Variants in CCDC125 observed in about 807,000 individuals in gnomAD.
The protein encoded by CCDC125 is coiled-coil domain containing 125.
Under a neutral mutation model 57.4 loss-of-function variants are expected in CCDC125, and 43 were observed. The observed-to-expected ratio is 0.75, with a 90% CI of 0.59 to 0.97. The LOEUF (loss-of-function observed/expected upper bound fraction) is 0.97. Ranked by LOEUF, CCDC125 falls within the 50% of genes least tolerant of loss-of-function variation. CCDC125 has a pLI of 0.00. For synonymous variants in CCDC125, 187 were observed against 195.2 expected (o/e 0.96, Z 0.35); for missense variants, 563 against 595.7 (o/e 0.95, Z 0.57).
chr5:69,331,764 T>C (rs12517724), intron 1 of CCDC125, among the ~76,000 whole-genome samples: 54,561 of 151,984 alleles, frequency 0.36, 10,747 homozygotes, highest in East Asian at 0.5. Context: ...GGAATGCTGT[T>C]TCTTCTCAGA....
chr5:69,297,118 T>A (rs1254285782), intron 8 of CCDC125, among the ~76,000 whole-genome samples: 2 of 152,158 alleles, frequency 1.3e-5, no homozygotes, highest in Non-Finnish European at 2.9e-5. Context: ...TAGGCTGGAG[T>A]GCAGTGGTAC....
At chr5:69,313,683 G>A in intron 3 of CCDC125, 1 of 759,260 alleles carries the variant, frequency 1.3e-6, no homozygotes, top group South Asian at 1.4e-5. Context: ...GTTGTCGATG[G>A]TCTGGTCCAC....
At chr5:69,284,409 G>A (rs1267788616) in intron 11 of CCDC125, among the ~76,000 whole-genome samples, 1 of 152,078 alleles carries the variant, frequency 6.6e-6, no homozygotes, top group Non-Finnish European at 1.5e-5. Flanking sequence ...GACTGTAAAG[G>A]ATATAATGTG....
chr5:69,328,805 T>C (rs1761046134), intron 1 of CCDC125, among the ~76,000 whole-genome samples: 1 of 152,068 alleles, frequency 6.6e-6, no homozygotes, highest in Admixed American at 6.6e-5. Flanking sequence ...GACTTTTTTT[T>C]TTTTTTGAGA....
chr5:69,314,994 AC>A (rs1218401388), intron 2 of CCDC125, among the ~76,000 whole-genome samples: 1 of 152,112 alleles, frequency 6.6e-6, no homozygotes, highest in African/African-American at 2.4e-5. Context: ...AGTGGCTCAC[AC>A]CTGTAATCCC....
chr5:69,318,622 G>A (rs1201285077), intron 2 of CCDC125, among the ~76,000 whole-genome samples: 8 of 150,712 alleles, frequency 5.3e-5, no homozygotes, highest in African/African-American at 1.5e-4. Context: ...GCATGGGGGC[G>A]GGCACCTGTA....
At chr5:69,288,819 G>A (rs1310602074) in intron 10 of CCDC125, among the ~76,000 whole-genome samples, 2 of 152,194 alleles carry the variant, frequency 1.3e-5, no homozygotes, top group African/African-American at 4.8e-5. Context: ...GGTAGACAGT[G>A]TGAGAATTGA....
intron 8 of CCDC125, among the ~76,000 whole-genome samples, chr5:69,297,432 TCAC>T (rs1382996256): frequency 6.6e-6 from 1 of 151,874 alleles, no homozygotes; most frequent in Admixed American, 6.6e-5. Context: ...AGATCACAGC[TCAC>T]CACAACCACT....
chr5:69,304,583 G>A (rs1166443966), intron 6 of CCDC125, among the ~76,000 whole-genome samples: 8 of 151,572 alleles, frequency 5.3e-5, no homozygotes, highest in Non-Finnish European at 4.4e-5. Flanking sequence ...CCGCCACCAC[G>A]CCCGGCCAAT....
chr5:69,330,478 C>T (rs757556078), intron 1 of CCDC125, among the ~76,000 whole-genome samples: 1 of 151,956 alleles, frequency 6.6e-6, no homozygotes, highest in Non-Finnish European at 1.5e-5. Flanking sequence ...CCTGTAGTCC[C>T]AGCTACTCGG....
At chr5:69,331,044 T>A (rs1273986433) in intron 1 of CCDC125, among the ~76,000 whole-genome samples, 1 of 152,052 alleles carries the variant, frequency 6.6e-6, no homozygotes, top group East Asian at 2.0e-4. Flanking sequence ...GGCTCACACA[T>A]GTAATCCGAG....
chr5:69,309,656 A>G (rs1757851071), intron 4 of CCDC125: 1 of 152,256 alleles, frequency 6.6e-6, no homozygotes, highest in African/African-American at 2.4e-5. Flanking sequence ...GCCCCCACAC[A>G]GAGTCCCTAC....
intron 8 of CCDC125, among the ~76,000 whole-genome samples, chr5:69,298,562 G>A (rs28499200): frequency 0.6 from 91,554 of 151,866 alleles, 28,502 homozygotes; most frequent in African/African-American, 0.76. Context: ...CCCATGCCTA[G>A]GTTGCCAAAA....
chr5:69,304,219 C>T (rs111911656), intron 6 of CCDC125, among the ~76,000 whole-genome samples: 1 of 151,746 alleles, frequency 6.6e-6, no homozygotes, highest in Non-Finnish European at 1.5e-5. Context: ...ATTCTCCTGC[C>T]TCAGCCTTCC....
At chr5:69,291,285 AC>A (rs1754412014) in intron 10 of CCDC125, among the ~76,000 whole-genome samples, 2 of 152,134 alleles carry the variant, frequency 1.3e-5, no homozygotes, top group African/African-American at 4.8e-5. Context: ...CTTTGTTCAT[AC>A]TGGAAGATCT....
At chr5:69,297,644 C>G (rs1755600612) in intron 8 of CCDC125, among the ~76,000 whole-genome samples, 1 of 151,340 alleles carries the variant, frequency 6.6e-6, no homozygotes, top group African/African-American at 2.4e-5. Context: ...CAGGCGTTAG[C>G]CACCGCACCT....
At chr5:69,284,137 C>T (rs1460649262) in intron 11 of CCDC125, among the ~76,000 whole-genome samples, 5 of 150,950 alleles carry the variant, frequency 3.3e-5, no homozygotes, top group African/African-American at 1.2e-4. Flanking sequence ...AAACAGAAGA[C>T]AGCATTGAAA....
At position 69,308,139 on chromosome 5, in the gene CCDC125, T is replaced by A. The variant is rs377764504; in HGVS notation, c.454-111A>T. 5.0e-5 allele frequency: 39 copies of A among 785,932 alleles called. No individual in the cohort carries two copies. In the East Asian group the frequency reaches 8.4e-4, roughly 17 times the overall value. The allele number at this position is 785,932 out of a possible 1,614,324, so 48.7% of individuals were successfully genotyped here. On this transcript the variant is annotated intron_variant, in intron 4 of 11. Transcript: ENST00000396496. ...AATGGAAAATTAAGATGAATTGACA[T>A]AAGAATTTCACAGTGACCACCTTTT...
downstream of CCDC125, chr5:69,276,683 A>C (rs562575757): frequency 8.7e-6 from 14 of 1,612,656 alleles, no homozygotes; most frequent in South Asian, 1.3e-4. Flanking sequence ...CAGAGGCCTT[A>C]GAACAAGGTA....
Sources: allele counts gnomAD v4.1 joint callset (sites outside exome capture counted in the v4.1 genomes callset), GRCh38; gene constraint gnomAD v4.1.1; transcripts MANE v1.5; gene names NCBI Gene and HGNC (gene_info 2026-07-23, HGNC 2026-07-21).